The following SPHKAP variants were observed in gnomAD, a reference collection of about 807,000 sequenced individuals.
SPHKAP encodes A-kinase anchor protein SPHKAP.
A neutral mutation model predicts 137.5 loss-of-function variants in SPHKAP; 67 were observed. The ratio of observed to expected loss-of-function variants is 0.49; its 90% CI spans 0.40 to 0.60. The LOEUF (loss-of-function observed/expected upper bound fraction) is 0.60, where lower values mean the gene tolerates loss of function less well. Ranked by LOEUF, SPHKAP falls within the 20% of genes least tolerant of loss-of-function variation. The probability of loss-of-function intolerance (pLI) is 0.00; values close to 1 mark genes in which losing one functional copy is unlikely to be tolerated. For missense variants in SPHKAP, 2,097 were observed against 2,069.3 expected (o/e 1.01, Z -0.26); for synonymous variants, 813 against 785.3 (o/e 1.04, Z -0.59).
At chr2:228,010,097 T>TTC (rs1694309745) in intron 7 of SPHKAP, among the ~76,000 whole-genome samples, 4 of 152,198 alleles carry the variant, frequency 2.6e-5, no homozygotes, top group Non-Finnish European at 5.9e-5. Flanking sequence ...CCTCTTGGCA[T>TTC]TATTGTCTGA....
chr2:228,094,350 GA>G (rs1339759624), intron 3 of SPHKAP, among the ~76,000 whole-genome samples: 13 of 152,114 alleles, frequency 8.5e-5, no homozygotes, highest in Admixed American at 8.5e-4. Context: ...TTTCTCACCT[GA>G]AAAATGAGTA....
chr2:228,072,274 A>G (rs1697028318), intron 3 of SPHKAP, among the ~76,000 whole-genome samples: 1 of 152,186 alleles, frequency 6.6e-6, no homozygotes, highest in Non-Finnish European at 1.5e-5. Flanking sequence ...AGTCTCCAGA[A>G]TCACATGAAT....
intron 3 of SPHKAP, among the ~76,000 whole-genome samples, chr2:228,040,739 ATAAAAT>A (rs1200815069): frequency 6.6e-6 from 1 of 152,340 alleles, no homozygotes; most frequent in African/African-American, 2.4e-5. Context: ...AGCTTAAAAA[ATAAAAT>A]TAAAAAAATA....
chr2:228,001,546 C>G (rs1419888457), intron 7 of SPHKAP, among the ~76,000 whole-genome samples: 1 of 141,982 alleles, frequency 7.0e-6, no homozygotes, highest in Non-Finnish European at 1.5e-5. Flanking sequence ...TAAAAATATA[C>G]ATATATATAA....
intron 3 of SPHKAP, 127 bp from the exon 4 acceptor site, chr2:228,027,670 A>G (rs1219033418): frequency 2.1e-6 from 2 of 954,320 alleles, no homozygotes; most frequent in East Asian, 2.6e-5. Flanking sequence ...AGTTTGGCAT[A>G]GAAATAGTCA....
At chr2:228,026,099 G>T (rs1695025445) in intron 4 of SPHKAP, among the ~76,000 whole-genome samples, 1 of 152,126 alleles carries the variant, frequency 6.6e-6, no homozygotes, top group Non-Finnish European at 1.5e-5. Flanking sequence ...CTCTTTGCCT[G>T]CTGCCATCCA....
At chr2:228,057,961 A>G (rs1574808604) in intron 3 of SPHKAP, among the ~76,000 whole-genome samples, 2 of 152,274 alleles carry the variant, frequency 1.3e-5, no homozygotes, top group African/African-American at 4.8e-5. Flanking sequence ...GAAAGTTGAC[A>G]TAATTGTGAG....
At chr2:228,083,643 T>C (rs1697439342) in intron 3 of SPHKAP, among the ~76,000 whole-genome samples, 1 of 152,180 alleles carries the variant, frequency 6.6e-6, no homozygotes, top group African/African-American at 2.4e-5. Flanking sequence ...CGTATGTTTA[T>C]TGCAGCACTA....
intron 3 of SPHKAP, among the ~76,000 whole-genome samples, chr2:228,030,513 C>CAAAAAAAAAAAAAAAAAAAAACAAA (rs11287311): frequency 2.1e-5 from 1 of 48,776 alleles, no homozygotes; most frequent in African/African-American, 7.4e-5. Flanking sequence ...GATACCATCT[C>CAAAAAAAAAAAAAAAAAAAAACAAA]AAAAAAAAAA....
intron 7 of SPHKAP, among the ~76,000 whole-genome samples, chr2:227,999,823 T>C (rs1265809626): frequency 1.7e-4 from 26 of 152,212 alleles, no homozygotes; most frequent in Non-Finnish European, 1.5e-5. Context: ...TGCAGATGCA[T>C]GCAGATGGCT....
At chr2:228,002,813 G>T (rs915096161) in intron 7 of SPHKAP, among the ~76,000 whole-genome samples, 1 of 152,046 alleles carries the variant, frequency 6.6e-6, no homozygotes, top group African/African-American at 2.4e-5. Flanking sequence ...AGCACCATTT[G>T]TTAAATAGGG....
chr2:228,116,280 C>G (rs1698708649), intron 2 of SPHKAP, among the ~76,000 whole-genome samples: 1 of 152,250 alleles, frequency 6.6e-6, no homozygotes, highest in South Asian at 2.1e-4. Context: ...ATCTAGCTCA[C>G]TAAAACCAAA....
chr2:228,062,825 A>G (rs1176570842), intron 3 of SPHKAP, among the ~76,000 whole-genome samples: 1 of 152,236 alleles, frequency 6.6e-6, no homozygotes, highest in Non-Finnish European at 1.5e-5. Flanking sequence ...GATCTTACAA[A>G]AGAACTGAAA....
intron 3 of SPHKAP, among the ~76,000 whole-genome samples, chr2:228,031,246 C>G (rs532407338): frequency 6.6e-6 from 1 of 152,226 alleles, no homozygotes; most frequent in African/African-American, 2.4e-5. Flanking sequence ...GAGGGTCCTA[C>G]GCCCATGGAG....
chr2:228,155,963 G>C, intron 1 of SPHKAP, among the ~76,000 whole-genome samples: 1 of 152,308 alleles, frequency 6.6e-6, no homozygotes, highest in Non-Finnish European at 1.5e-5. Flanking sequence ...AGGTCATCCA[G>C]TTTATTAGCC....
At chr2:228,055,142 C>CA (rs58091970) in intron 3 of SPHKAP, among the ~76,000 whole-genome samples, 4 of 61,328 alleles carry the variant, frequency 6.5e-5, no homozygotes, top group African/African-American at 1.1e-4. Context: ...AACTCCACTC[C>CA]AAAAAAAAAA....
At chr2:228,130,396 T>C (rs1699211743) in intron 2 of SPHKAP, among the ~76,000 whole-genome samples, 1 of 152,216 alleles carries the variant, frequency 6.6e-6, no homozygotes, top group Non-Finnish European at 1.5e-5. Context: ...ATTTCACATC[T>C]ATTAATTCAT....
chr2:227,997,177 C>T (rs1008783722), intron 7 of SPHKAP, among the ~76,000 whole-genome samples: 8 of 152,190 alleles, frequency 5.3e-5, no homozygotes, highest in African/African-American at 1.2e-4. Flanking sequence ...AAACTCTATC[C>T]GTTGTGGGCT....
Position 228,155,209 on chromosome 2 carries a change from C to T in SPHKAP, c.33-23124G>A, listed in dbSNP as rs538787658. On this transcript the variant is annotated intron_variant, in intron 1 of 11. Coordinates refer to ENST00000392056, the MANE Select transcript of SPHKAP (RefSeq NM_001142644.2). ...ATGATTACCCTTTTTATTCATTCAG[C>T]AGTTACCATTGTTCATTTTTTTTTT... is the stretch of plus-strand genomic sequence containing the variant. 2.6e-4 allele frequency among the ~76,000 whole-genome samples: 40 copies of T among 151,910 alleles called. 1 individual carries two copies. The highest frequency in any genetic ancestry group is 9.4e-4 in the African/African-American group (39 of 41,426).
Sources: allele counts gnomAD v4.1 joint callset (sites outside exome capture counted in the v4.1 genomes callset), GRCh38; gene constraint gnomAD v4.1.1; transcripts MANE v1.5; gene names NCBI Gene and HGNC (gene_info 2026-07-23, HGNC 2026-07-21).